The following RAB38 variants were observed in gnomAD, a reference collection of about 807,000 sequenced individuals.
RAB38 encodes ras-related protein Rab-38.
Under a neutral mutation model 18.4 loss-of-function variants are expected in RAB38, and 15 were observed. The ratio of observed to expected loss-of-function variants is 0.82; its 90% CI spans 0.55 to 1.26. The LOEUF (loss-of-function observed/expected upper bound fraction) is 1.26. Among genes scored for constraint, RAB38 ranks in the 50% most tolerant of loss-of-function variants. The pLI, the probability that RAB38 is intolerant of heterozygous loss-of-function variation, is 0.00. For synonymous variants in RAB38, 101 were observed against 104.4 expected (o/e 0.97, Z 0.20); for missense variants, 294 against 267.4 (o/e 1.10, Z -0.69).
chr11:88,066,024 G>T, the RAB38 span, among the ~76,000 whole-genome samples: 6 of 152,196 alleles, frequency 3.9e-5, no homozygotes, highest in Non-Finnish European at 8.8e-5. Context: ...ACTCTGCAAA[G>T]GCACTGCAGA....
At chr11:88,027,748 G>A in the RAB38 span, among the ~76,000 whole-genome samples, 2 of 152,254 alleles carry the variant, frequency 1.3e-5, no homozygotes, top group Non-Finnish European at 2.9e-5. Context: ...GCCCACCACA[G>A]CTCAAGGAGG....
At chr11:87,861,281 A>C in the RAB38 span, among the ~76,000 whole-genome samples, 12,554 of 151,990 alleles carry the variant, frequency 0.083, 797 homozygotes, top group African/African-American at 0.16. Flanking sequence ...GTTCCGACTG[A>C]AAAATTAAAG....
the RAB38 span, among the ~76,000 whole-genome samples, chr11:87,841,198 T>C: frequency 6.6e-6 from 1 of 152,164 alleles, no homozygotes; most frequent in Admixed American, 6.5e-5. Flanking sequence ...CACCTTGAAT[T>C]GTAGTTCCCA....
At chr11:87,947,958 G>T in the RAB38 span, among the ~76,000 whole-genome samples, 1 of 152,126 alleles carries the variant, frequency 6.6e-6, no homozygotes, top group South Asian at 2.1e-4. Flanking sequence ...TGATGGGGAT[G>T]GCAGTGAATC....
intron 1 of RAB38, among the ~76,000 whole-genome samples, chr11:88,156,870 C>T (rs1429712772): frequency 6.6e-6 from 1 of 152,194 alleles, no homozygotes; most frequent in Non-Finnish European, 1.5e-5. Context: ...ACTCTACTGG[C>T]TGCCACAAAA....
the RAB38 span, among the ~76,000 whole-genome samples, chr11:88,008,751 G>A: frequency 1.3e-5 from 2 of 152,224 alleles, no homozygotes; most frequent in Non-Finnish European, 2.9e-5. Flanking sequence ...TCGGCTCACT[G>A]CAAGCTCCGC....
At chr11:87,964,713 G>C in the RAB38 span, among the ~76,000 whole-genome samples, 9 of 151,332 alleles carry the variant, frequency 5.9e-5, no homozygotes, top group Non-Finnish European at 1.3e-4. Context: ...TAATGGGCTA[G>C]GAAAAAAAAA....
chr11:88,006,213 C>A, the RAB38 span, among the ~76,000 whole-genome samples: 1 of 150,836 alleles, frequency 6.6e-6, no homozygotes, highest in Non-Finnish European at 1.5e-5. Flanking sequence ...AAATGCAAAT[C>A]AAAACTACAA....
the RAB38 span, among the ~76,000 whole-genome samples, chr11:88,034,400 G>A: frequency 3.3e-5 from 5 of 152,194 alleles, no homozygotes; most frequent in Non-Finnish European, 7.3e-5. Context: ...TACAGTGGTT[G>A]TATGTTTTAT....
At chr11:88,156,615 A>G (rs1215888106) in intron 1 of RAB38, among the ~76,000 whole-genome samples, 4 of 151,958 alleles carry the variant, frequency 2.6e-5, no homozygotes, top group Non-Finnish European at 4.4e-5. Context: ...GGCAGGAGAA[A>G]CACTTGAACC....
chr11:88,097,043 A>C, the RAB38 span, among the ~76,000 whole-genome samples: 1 of 152,020 alleles, frequency 6.6e-6, no homozygotes, highest in Admixed American at 6.6e-5. Context: ...AAATTATACA[A>C]GAAAAAAAAG....
chr11:88,136,567 G>T (rs1285133572), intron 2 of RAB38, among the ~76,000 whole-genome samples: 1 of 152,192 alleles, frequency 6.6e-6, no homozygotes, highest in African/African-American at 2.4e-5. Context: ...AAGAGACAGG[G>T]CCTTTGTCTA....
At chr11:87,875,746 A>G in the RAB38 span, among the ~76,000 whole-genome samples, 5 of 151,518 alleles carry the variant, frequency 3.3e-5, no homozygotes, top group Non-Finnish European at 7.4e-5. Context: ...CATTAGCTCA[A>G]TAACATTTTA....
the RAB38 span, among the ~76,000 whole-genome samples, chr11:88,010,058 C>G: frequency 6.6e-6 from 1 of 152,072 alleles, no homozygotes; most frequent in Non-Finnish European, 1.5e-5. Flanking sequence ...AAGGTTCTGA[C>G]TGTGTTTTGA....
Position 88,175,190 on chromosome 11 carries a change from A to G in RAB38, c.195T>C (p.Asp65=). ...PETVVRLQLW[D]IAGQERFGNM... ...CCCTCCCCCCGCGCTCACCTGCGAT[A>G]TCCCAGAGCTGCAGGCGCACCACAG... is the stretch of plus-strand genomic sequence containing the variant. Residue 65 remains aspartate (D), a synonymous_variant, in exon 1 of 3, where the codon GAT becomes GAC. Coordinates refer to ENST00000243662, the MANE Select transcript of RAB38 (RefSeq NM_022337.3). 1 of 1,607,196 alleles carries G rather than the reference A, an allele frequency of 6.2e-7. No homozygotes were observed. The highest frequency in any genetic ancestry group is 8.5e-7 in the Non-Finnish European group (1 of 1,176,118).
intron 2 of RAB38, among the ~76,000 whole-genome samples, chr11:88,145,339 G>T (rs541924130): frequency 6.6e-6 from 1 of 152,160 alleles, no homozygotes; most frequent in East Asian, 1.9e-4. Flanking sequence ...AGTAGAGACG[G>T]GGTTTCACCA....
At chr11:87,948,109 A>C in the RAB38 span, among the ~76,000 whole-genome samples, 1 of 152,136 alleles carries the variant, frequency 6.6e-6, no homozygotes, top group African/African-American at 2.4e-5. Flanking sequence ...GAGGTCCTTC[A>C]CGTCCCTTGT....
At chr11:88,083,407 C>T in the RAB38 span, among the ~76,000 whole-genome samples, 2 of 151,690 alleles carry the variant, frequency 1.3e-5, no homozygotes, top group Non-Finnish European at 2.9e-5. Flanking sequence ...TGGATGGAGT[C>T]TTATTTTAAC....
chr11:87,916,308 G>A, the RAB38 span, among the ~76,000 whole-genome samples: 2 of 152,046 alleles, frequency 1.3e-5, no homozygotes, highest in African/African-American at 2.4e-5. Context: ...GGTGTTGAGA[G>A]GTGGGGCCTA....
Sources: gnomAD v4.1 joint callset for allele counts (sites outside exome capture counted in the v4.1 genomes callset) on GRCh38, gnomAD v4.1.1 for gene constraint, MANE v1.5 for transcripts, NCBI Gene and HGNC (gene_info 2026-07-23, HGNC 2026-07-21) for gene names.